PRELID2: variants seen among roughly 807,000 people sequenced by gnomAD.
PRELID2 encodes PRELI domain-containing protein 2.
A neutral mutation model predicts 28.4 loss-of-function variants in PRELID2; 25 were observed. The ratio of observed to expected loss-of-function variants is 0.88; its 90% CI spans 0.64 to 1.23. The LOEUF (loss-of-function observed/expected upper bound fraction) is 1.23. Among genes scored for constraint, PRELID2 ranks in the 50% most tolerant of loss-of-function variants. PRELID2 has a pLI of 0.00. For missense variants in PRELID2, 201 were observed against 214.4 expected (o/e 0.94, Z 0.39); for synonymous variants, 76 against 71.6 (o/e 1.06, Z -0.31).
chr5:145,274,138 T>A, the PRELID2 span, among the ~76,000 whole-genome samples: 1 of 152,148 alleles, frequency 6.6e-6, no homozygotes, highest in Non-Finnish European at 1.5e-5. Context: ...TCATTTCCTA[T>A]ATTTGACCAC....
chr5:145,241,413 A>G, the PRELID2 span, among the ~76,000 whole-genome samples: 1 of 152,026 alleles, frequency 6.6e-6, no homozygotes, highest in Non-Finnish European at 1.5e-5. Context: ...CACCAACCAC[A>G]TGCAACCATC....
intron 5 of PRELID2, among the ~76,000 whole-genome samples, chr5:145,777,813 G>A (rs1758508832): frequency 1.3e-5 from 2 of 152,180 alleles, no homozygotes; most frequent in Non-Finnish European, 2.9e-5. Context: ...CTACACTCTT[G>A]GGGGCCAGGG....
chr5:145,390,822 C>T, the PRELID2 span, among the ~76,000 whole-genome samples: 57 of 152,258 alleles, frequency 3.7e-4, 3 homozygotes, highest in South Asian at 0.011. Context: ...TAGTTACTTC[C>T]TAGATACAAT....
At chr5:145,281,545 C>G in the PRELID2 span, among the ~76,000 whole-genome samples, 1 of 152,194 alleles carries the variant, frequency 6.6e-6, no homozygotes, top group Non-Finnish European at 1.5e-5. Context: ...AAACTGGCAG[C>G]TTATCTGGCT....
At chr5:145,423,106 C>T in the PRELID2 span, among the ~76,000 whole-genome samples, 1 of 151,894 alleles carries the variant, frequency 6.6e-6, no homozygotes, top group Non-Finnish European at 1.5e-5. Context: ...GAGAGATCCG[C>T]TGTTAGTCTG....
At chr5:145,666,725 T>C (rs974379007) in intron 1 of PRELID2, among the ~76,000 whole-genome samples, 1 of 152,088 alleles carries the variant, frequency 6.6e-6, no homozygotes. Context: ...CCTCATTCTG[T>C]GAAGCAATTT....
At chr5:145,540,210 C>T (rs192464114) in intron 1 of PRELID2, among the ~76,000 whole-genome samples, 1 of 151,966 alleles carries the variant, frequency 6.6e-6, no homozygotes, top group East Asian at 1.9e-4. Flanking sequence ...TGAGTTCTAG[C>T]CATAGTCTAT....
chr5:145,319,527 C>G, the PRELID2 span, among the ~76,000 whole-genome samples: 1 of 151,728 alleles, frequency 6.6e-6, no homozygotes, highest in Admixed American at 6.6e-5. Flanking sequence ...AAAAATTAGC[C>G]AGGTGTGGTG....
chr5:145,778,590 C>T (rs546368926), intron 5 of PRELID2, among the ~76,000 whole-genome samples: 6 of 152,326 alleles, frequency 3.9e-5, no homozygotes, highest in East Asian at 1.9e-4. Flanking sequence ...GCTTGTAGTG[C>T]GCCTGGCCCA....
chr5:145,810,664 T>C (rs541275666), intron 4 of PRELID2, among the ~76,000 whole-genome samples: 122 of 152,312 alleles, frequency 8.0e-4, no homozygotes, highest in African/African-American at 2.8e-3. Flanking sequence ...TATCAGAATT[T>C]TTATTATGAA....
At chr5:145,249,831 G>T in the PRELID2 span, among the ~76,000 whole-genome samples, 583 of 152,144 alleles carry the variant, frequency 3.8e-3, 6 homozygotes, top group East Asian at 0.031. Flanking sequence ...GCTGAATGAA[G>T]AGTGAGGTGA....
chr5:145,460,666 C>CAA, the PRELID2 span, among the ~76,000 whole-genome samples: 6 of 152,132 alleles, frequency 3.9e-5, no homozygotes, highest in Admixed American at 1.3e-4. Context: ...ATAAGGTAGG[C>CAA]ATTAAGTCAT....
At chr5:145,695,690 G>C (rs1190588175) in intron 1 of PRELID2, among the ~76,000 whole-genome samples, 1 of 152,110 alleles carries the variant, frequency 6.6e-6, no homozygotes, top group African/African-American at 2.4e-5. Context: ...ACACAGCTGG[G>C]GGCACAAAGT....
At chr5:145,385,547 C>G in the PRELID2 span, among the ~76,000 whole-genome samples, 8 of 152,132 alleles carry the variant, frequency 5.3e-5, no homozygotes, top group Non-Finnish European at 1.2e-4. Context: ...AATTTAACTT[C>G]AGTAATGAGA....
intron 1 of PRELID2, among the ~76,000 whole-genome samples, chr5:145,713,695 T>C (rs1755767974): frequency 8.1e-6 from 1 of 122,932 alleles, no homozygotes; most frequent in Non-Finnish European, 1.7e-5. Context: ...ACACACTATA[T>C]ATATATAAAG....
At chr5:145,743,273 G>A (rs1198199443) in intron 1 of PRELID2, among the ~76,000 whole-genome samples, 5 of 151,818 alleles carry the variant, frequency 3.3e-5, no homozygotes, top group Non-Finnish European at 1.5e-5. Flanking sequence ...ACCCAGGCAT[G>A]ATGGCGGCAT....
At chr5:145,638,281 G>T (rs1754037109) in intron 1 of PRELID2, among the ~76,000 whole-genome samples, 1 of 152,036 alleles carries the variant, frequency 6.6e-6, no homozygotes, top group African/African-American at 2.4e-5. Context: ...CACTAAACGG[G>T]CATTACAATA....
At chr5:145,389,051 GATAA>G in the PRELID2 span, among the ~76,000 whole-genome samples, 1 of 152,236 alleles carries the variant, frequency 6.6e-6, no homozygotes, top group African/African-American at 2.4e-5. Flanking sequence ...ATAGATGCTT[GATAA>G]ATATTTACCA....
At chr5:145,504,625 C>T (rs1580961325) in intron 1 of PRELID2, among the ~76,000 whole-genome samples, 1 of 152,142 alleles carries the variant, frequency 6.6e-6, no homozygotes, top group South Asian at 2.1e-4. Context: ...CATACCTGAA[C>T]TCATCAGCTA....
Sources: gnomAD v4.1 joint callset for allele counts (sites outside exome capture counted in the v4.1 genomes callset) on GRCh38, gnomAD v4.1.1 for gene constraint, MANE v1.5 for transcripts, NCBI Gene and HGNC (gene_info 2026-07-23, HGNC 2026-07-21) for gene names.